Variants in GMPPA observed in about 807,000 individuals in gnomAD.
The protein encoded by GMPPA is mannose-1-phosphate guanylyltransferase regulatory subunit alpha.
Under a neutral mutation model 58.6 loss-of-function variants are expected in GMPPA, and 46 were observed. That is an observed-to-expected ratio of 0.78 (90% CI 0.62 to 1.00). The LOEUF is 1.00. Among genes scored for constraint, GMPPA ranks in the 50% least tolerant of loss-of-function variants. The pLI is 0.00. For missense variants in GMPPA, 468 were observed against 556.4 expected, an observed-to-expected ratio of 0.84 and a Z score of 1.60; for synonymous variants, 211 against 214.9, an observed-to-expected ratio of 0.98 and a Z score of 0.16.
At chr2:219,501,798 T>C (rs760459634) in intron 4 of GMPPA, 53 bp from the exon 5 acceptor site, 1 of 1,535,398 alleles carries the variant, frequency 6.5e-7, no homozygotes, top group Non-Finnish European at 9.0e-7. Context: ...CCCTGGCTCA[T>C]GGTATCTGTT....
At chr2:219,499,456 A>G (rs1364920597) in intron 1 of GMPPA, among the ~76,000 whole-genome samples, 1 of 152,166 alleles carries the variant, frequency 6.6e-6, no homozygotes, top group Non-Finnish European at 1.5e-5. Flanking sequence ...ATGAAGACGC[A>G]ACACTTTGGG....
At chr2:219,505,191 C>G (rs769484005) in intron 7 of GMPPA, 37 bp from the exon 8 acceptor site, 17 of 1,606,884 alleles carry the variant, frequency 1.1e-5, no homozygotes, top group Middle Eastern at 1.7e-4. Flanking sequence ...CGGGGCTCAG[C>G]TGGGGGACTA....
intron 11 of GMPPA, 81 bp downstream of exon 11, chr2:219,506,153 AG>A: frequency 2.0e-6 from 3 of 1,463,562 alleles, no homozygotes; most frequent in Non-Finnish European, 2.8e-6. Flanking sequence ...AGAACAGAGA[AG>A]GGTGAACGCC....
rs373605931 is a variant in GMPPA at position 219,500,135 on chromosome 2, C to T, written c.55C>T (p.Pro19Ser). 118 of 1,602,950 alleles carry T rather than the reference C, an allele frequency of 7.4e-5. No homozygotes were observed. The highest frequency in any genetic ancestry group is 9.8e-5 in the Non-Finnish European group (115 of 1,173,572). ...TCCTCTCCCAGGAACTCGCTTCAGA[C>T]CTTTGTCTTTTGAGGTGCCCAAACC... is the stretch of plus-strand genomic sequence containing the variant. ...GGPQKGTRFR[P>S]LSFEVPKPLF... Residue 19 changes from proline (P) to serine (S), a missense_variant, in exon 3 of 13, where the codon CCT becomes TCT. Physicochemically the swap from Pro to Ser is moderately conservative, Grantham distance 74. Coordinates refer to ENST00000313597, the MANE Select transcript of GMPPA (RefSeq NM_013335.4).
intron 6 of GMPPA, 101 bp from the exon 7 acceptor site, chr2:219,503,982 C>A: frequency 7.5e-7 from 1 of 1,339,046 alleles, no homozygotes; most frequent in South Asian, 1.2e-5. Context: ...GCCACCCTGG[C>A]AGCAGGGAGG....
Position 219,505,351 on chromosome 2 carries a change from C to G in GMPPA, c.744C>G (p.Ile248Met). The G allele has an allele frequency of 6.2e-7, 1 of 1,613,792 alleles. No homozygotes were observed. Among genetic ancestry groups the G allele is most frequent in the Non-Finnish European group, 8.5e-7 (1 of 1,179,952 alleles). The change falls in exon 8 of 13, where the codon ATC becomes ATG. Residue 248 changes from isoleucine (I) to methionine (M), a missense_variant. By Grantham distance (10) the Ile-to-Met change is conservative (BLOSUM62 1). Coordinates refer to ENST00000313597, the MANE Select transcript of GMPPA (RefSeq NM_013335.4). ...VHLTDGIWSQ[I>M]KSAGSALYAS... ...TCACTGATGGTATCTGGAGTCAGAT[C>G]AAGTCCGCAGGGTATGGAAGGCTGG... is the stretch of plus-strand genomic sequence containing the variant.
intron 3 of GMPPA, chr2:219,501,186 C>T: frequency 5.6e-6 from 2 of 354,648 alleles, no homozygotes; most frequent in South Asian, 7.1e-5. Flanking sequence ...TCGCTTGAGC[C>T]CAGGACGTGG....
rs1694558213 is a variant in GMPPA at position 219,505,670 on chromosome 2, T to A, written c.854-45T>A. 9.3e-6 allele frequency: 15 copies of A among 1,607,870 alleles called. No individual in the cohort carries two copies. In the East Asian group the frequency reaches 2.9e-4, roughly 31 times the overall value. ...CAATCCCTGCCCCTTCCTGATCAAA[T>A]TCGGTTTGGGATATTTGCCCCCAGG... is the stretch of plus-strand genomic sequence containing the variant. On this transcript the variant is annotated intron_variant, in intron 9 of 12. Coordinates refer to ENST00000313597, the MANE Select transcript of GMPPA (RefSeq NM_013335.4).
chr2:219,505,149 C>G (rs1237437032), intron 7 of GMPPA, 79 bp from the exon 8 acceptor site: 1 of 1,489,588 alleles, frequency 6.7e-7, no homozygotes, highest in African/African-American at 1.4e-5. Flanking sequence ...CCTCCTACTC[C>G]TGTCCCTGGG....
At chr2:219,500,305 C>G (rs1694345850) in intron 3 of GMPPA, 87 bp downstream of exon 3, 4 of 768,414 alleles carry the variant, frequency 5.2e-6, no homozygotes, top group East Asian at 2.7e-5. Context: ...CTCTTCCCAC[C>G]AGGCATAACT....
chr2:219,506,779 C>G lies in GMPPA; in HGVS notation c.1244C>G (p.Thr415Ser). The change falls in exon 13 of 13, where the codon ACC becomes AGC. Residue 415 changes from threonine (T) to serine (S), a missense_variant. Thr to Ser is a moderately conservative substitution (Grantham distance 58). Coordinates refer to ENST00000313597, the MANE Select transcript of GMPPA (RefSeq NM_013335.4). ...LPHKELSRSF[T>S]NQIIL ...CACAAGGAGCTGAGCCGAAGCTTCA[C>G]CAACCAGATCATCCTCTGAGTAGGG... is the stretch of plus-strand genomic sequence containing the variant. The G allele has an allele frequency of 6.4e-7, 1 of 1,561,278 alleles. No individual in the cohort carries two copies. Among genetic ancestry groups the G allele is most frequent in the East Asian group, 2.2e-5 (1 of 44,550 alleles).
chr2:219,505,492 C>G lies in GMPPA; in HGVS notation c.790C>G (p.Arg264Gly). Residue 264 changes from arginine to glycine, a missense_variant, in exon 9 of 13, where the codon CGA becomes GGA. Coordinates refer to ENST00000313597, the MANE Select transcript of GMPPA (RefSeq NM_013335.4). ...ALYASRLYLS[R>G]YQDTHPERLA... is the part of the protein sequence containing the mutation. ...CTACGCCTCCCGCCTCTACCTGAGC[C>G]GATACCAGGACACTCACCCAGAACG... The G allele has an allele frequency of 6.3e-7, 1 of 1,580,116 alleles. No individual in the cohort carries two copies. Among genetic ancestry groups the G allele is most frequent in the Non-Finnish European group, 8.6e-7 (1 of 1,162,944 alleles).
At position 219,502,236 on chromosome 2, in the gene GMPPA, G is replaced by A; in HGVS notation, c.430-146G>A. ...GGCTGTTCAGAAGTAGGGAGGGGGA[G>A]GGCAGCTGTCAGTTTCCACCCTTGC... On this transcript the variant is annotated intron_variant, in intron 5 of 12. Transcript: ENST00000313597. This position sits in a 1 kb window ranked among gnomAD's most constrained non-coding sequence, Gnocchi z 4.0. 2.4e-6 allele frequency: 2 copies of A among 841,928 alleles called. No homozygotes were observed. The highest frequency in any genetic ancestry group is 2.2e-4 in the Middle Eastern group (1 of 4,506). The allele number at this position is 841,928 out of a possible 1,614,324, so 52.2% of individuals were successfully genotyped here. A position where few individuals can be genotyped will look rare whatever the true frequency, so the allele number is the denominator to read the frequency against.
At chr2:219,500,044 G>A in intron 2 of GMPPA, 29 bp downstream of exon 2, 1 of 1,611,836 alleles carries the variant, frequency 6.2e-7, no homozygotes, top group Non-Finnish European at 8.5e-7. Context: ...GGGGGGAGGA[G>A]GTTGGGCTGG....
At chr2:219,500,316 C>T in intron 3 of GMPPA, 98 bp downstream of exon 3, 1 of 735,046 alleles carries the variant, frequency 1.4e-6, no homozygotes. Context: ...AGGCATAACT[C>T]CAAGGACCAT....
rs866231169 is a variant in GMPPA, at chr2:219,502,202, G to A, written c.429+165G>A. The stretch of plus-strand genomic sequence containing the variant: ...GCATGGAGGTGTTAGTGGAGACCCC[G>A]AGCCCTCTGGCTGTTCAGAAGTAGG... On this transcript the variant is annotated intron_variant, in intron 5 of 12. Coordinates refer to ENST00000313597, the MANE Select transcript of GMPPA (RefSeq NM_013335.4). This position sits in a 1 kb window ranked among gnomAD's most constrained non-coding sequence, Gnocchi z 4.0. Among the ~76,000 whole-genome samples the A allele has an allele frequency of 5.3e-5, 8 of 152,280 alleles. No homozygotes were observed. Among genetic ancestry groups the A allele is most frequent in the Middle Eastern group, 3.4e-3 (1 of 294 alleles).
At chr2:219,503,955 C>A in intron 6 of GMPPA, 128 bp from the exon 7 acceptor site, 1 of 943,516 alleles carries the variant, frequency 1.1e-6, no homozygotes, top group African/African-American at 1.6e-5. Flanking sequence ...TGCGGATGCG[C>A]ACTGCATTTT....
intron 7 of GMPPA, chr2:219,504,811 C>T: frequency 9.7e-7 from 1 of 1,029,176 alleles, no homozygotes; most frequent in South Asian, 3.8e-5. Context: ...TCTCTACCAT[C>T]TCTCTCTCCC....
intron 1 of GMPPA, 50 bp from the exon 2 acceptor site, chr2:219,499,906 C>G: frequency 6.9e-7 from 1 of 1,459,360 alleles, no homozygotes; most frequent in Non-Finnish European, 9.6e-7. Context: ...GGTTTTGGGG[C>G]TTGGTTGGGG....
Sources: allele counts gnomAD v4.1 joint callset (sites outside exome capture counted in the v4.1 genomes callset), GRCh38; gene constraint gnomAD v4.1.1; non-coding constraint Gnocchi (gnomAD v3.1); transcripts MANE v1.5; gene names NCBI Gene and HGNC (gene_info 2026-07-23, HGNC 2026-07-21).